Variants in CTNNA3 observed in about 807,000 individuals in gnomAD.
The protein encoded by CTNNA3 is catenin alpha-3.
Under a neutral mutation model 95.7 loss-of-function variants are expected in CTNNA3, and 76 were observed. That is an observed-to-expected ratio of 0.79 (90% confidence interval 0.66 to 0.96). CTNNA3 has a LOEUF of 0.96. Ranked by LOEUF, CTNNA3 falls within the 40% of genes least tolerant of loss-of-function variation. CTNNA3 has a pLI of 0.00. For synonymous variants in CTNNA3, 431 were observed against 374.4 expected, an observed-to-expected ratio of 1.15 and a Z score of -1.74; for missense variants, 1,191 against 1,089.8, an observed-to-expected ratio of 1.09 and a Z score of -1.31.
At chr10:66,813,225 C>T (rs554966403) in intron 7 of CTNNA3, among the ~76,000 whole-genome samples, 22 of 152,280 alleles carry the variant, frequency 1.4e-4, no homozygotes, top group Non-Finnish European at 3.2e-4. Flanking sequence ...TCTAAGACAG[C>T]CTTCTCTGCA....
chr10:65,959,790 A>AGAG (rs2077804909), intron 17 of CTNNA3, among the ~76,000 whole-genome samples: 1 of 152,110 alleles, frequency 6.6e-6, no homozygotes, highest in African/African-American at 2.4e-5. Context: ...TGCTGGGATT[A>AGAG]CAGCCCTGAG....
At chr10:66,459,205 T>G (rs2131843045) in intron 11 of CTNNA3, among the ~76,000 whole-genome samples, 1 of 152,298 alleles carries the variant, frequency 6.6e-6, no homozygotes, top group Non-Finnish European at 1.5e-5. Flanking sequence ...TTAATAACAT[T>G]TTCTTTTCTC....
intron 3 of CTNNA3, among the ~76,000 whole-genome samples, chr10:67,548,355 A>T (rs1351239933): frequency 6.6e-6 from 1 of 152,146 alleles, no homozygotes; most frequent in Non-Finnish European, 1.5e-5. Context: ...TTTATAAATT[A>T]CCCAGTCTCA....
chr10:67,556,650 T>C (rs1373717817), intron 3 of CTNNA3, among the ~76,000 whole-genome samples: 1 of 152,214 alleles, frequency 6.6e-6, no homozygotes, highest in East Asian at 1.9e-4. Flanking sequence ...TCTCTTTTCT[T>C]CTTTATTAGT....
At chr10:67,712,988 G>A (rs952196105) in intron 1 of CTNNA3, among the ~76,000 whole-genome samples, 1 of 152,080 alleles carries the variant, frequency 6.6e-6, no homozygotes, top group African/African-American at 2.4e-5. Context: ...TCTTCAGAGG[G>A]AACAGGCAAC....
chr10:67,089,591 C>A (rs2131903796), intron 7 of CTNNA3, among the ~76,000 whole-genome samples: 1 of 151,734 alleles, frequency 6.6e-6, no homozygotes, highest in East Asian at 1.9e-4. Context: ...GGACTCTTGC[C>A]AATAAATCTC....
chr10:66,427,439 T>C (rs896274041), intron 11 of CTNNA3, among the ~76,000 whole-genome samples: 4 of 152,064 alleles, frequency 2.6e-5, no homozygotes, highest in Admixed American at 2.0e-4. Context: ...TCTTAACATC[T>C]ATAGGGTCAG....
At chr10:66,518,705 A>C in intron 11 of CTNNA3, among the ~76,000 whole-genome samples, 1 of 152,100 alleles carries the variant, frequency 6.6e-6, no homozygotes, top group Non-Finnish European at 1.5e-5. Context: ...GCATATATAC[A>C]TGCATGATAC....
At chr10:66,321,435 C>T (rs2092183994) in intron 12 of CTNNA3, among the ~76,000 whole-genome samples, 1 of 152,044 alleles carries the variant, frequency 6.6e-6, no homozygotes. Context: ...AGTAACTTAA[C>T]TGTGCAATTA....
chr10:66,543,973 CT>C (rs1321572550), intron 10 of CTNNA3, among the ~76,000 whole-genome samples: 2 of 107,316 alleles, frequency 1.9e-5, no homozygotes, highest in Non-Finnish European at 3.8e-5. Context: ...CAGCATTTTT[CT>C]TTATTTTATT....
intron 5 of CTNNA3, among the ~76,000 whole-genome samples, chr10:67,301,745 G>A (rs891138570): frequency 1.3e-5 from 2 of 152,098 alleles, no homozygotes; most frequent in Admixed American, 6.5e-5. Context: ...AAGGCGGGTG[G>A]ATCACGAGGT....
intron 4 of CTNNA3, among the ~76,000 whole-genome samples, chr10:67,538,929 T>C (rs969004551): frequency 2.6e-5 from 4 of 152,188 alleles, no homozygotes; most frequent in Non-Finnish European, 5.9e-5. Flanking sequence ...TCTGACAAAA[T>C]AAAGCATTCA....
intron 7 of CTNNA3, among the ~76,000 whole-genome samples, chr10:66,892,296 A>G (rs1417052236): frequency 6.6e-6 from 1 of 152,110 alleles, no homozygotes; most frequent in Non-Finnish European, 1.5e-5. Context: ...TAGCTTCATT[A>G]TTTTGAATCT....
chr10:67,618,321 G>A (rs562360137), intron 2 of CTNNA3, among the ~76,000 whole-genome samples: 6 of 152,220 alleles, frequency 3.9e-5, no homozygotes, highest in East Asian at 1.9e-4. Context: ...GTCCAGCCCC[G>A]CATTCCACTT....
At chr10:67,273,638 C>G (rs990305582) in intron 5 of CTNNA3, among the ~76,000 whole-genome samples, 1 of 152,004 alleles carries the variant, frequency 6.6e-6, no homozygotes, top group African/African-American at 2.4e-5. Context: ...GTAAATAGCA[C>G]CTTTATTTAT....
intron 6 of CTNNA3, among the ~76,000 whole-genome samples, chr10:67,195,577 T>C (rs1863322694): frequency 6.6e-6 from 1 of 152,032 alleles, no homozygotes; most frequent in South Asian, 2.1e-4. Flanking sequence ...TTAAATGCAC[T>C]ACCATCTATA....
At chr10:67,524,849 G>A (rs999192429) in intron 4 of CTNNA3, among the ~76,000 whole-genome samples, 1 of 152,078 alleles carries the variant, frequency 6.6e-6, no homozygotes, top group Admixed American at 6.5e-5. Context: ...GAAGATAAAA[G>A]TTAGGTTGAG....
intron 5 of CTNNA3, among the ~76,000 whole-genome samples, chr10:67,221,914 A>G (rs1055384436): frequency 6.6e-6 from 1 of 152,198 alleles, no homozygotes; most frequent in Non-Finnish European, 1.5e-5. Flanking sequence ...AAGTGCTTCT[A>G]TACAGTATCT....
At chr10:67,576,659 T>C (rs1842160270) in intron 3 of CTNNA3, among the ~76,000 whole-genome samples, 2 of 144,242 alleles carry the variant, frequency 1.4e-5, no homozygotes, top group South Asian at 4.8e-4. Context: ...ACCCATTAAC[T>C]TGTCATTTAG....
Sources: gnomAD v4.1 joint callset for allele counts (sites outside exome capture counted in the v4.1 genomes callset) on GRCh38, gnomAD v4.1.1 for gene constraint, MANE v1.5 for transcripts, NCBI Gene and HGNC (gene_info 2026-07-23, HGNC 2026-07-21) for gene names.